Variants in SNX8 observed in about 807,000 individuals in gnomAD.
The protein encoded by SNX8 is sorting nexin 8, also known as sorting nexin-8.
Under a neutral mutation model 51.6 loss-of-function variants are expected in SNX8, and 25 were observed. The ratio of observed to expected loss-of-function variants is 0.48; its 90% confidence interval spans 0.35 to 0.68. The LOEUF is 0.68. Ranked by LOEUF, SNX8 falls within the 30% of genes least tolerant of loss-of-function variation. The pLI is 0.00. For synonymous variants in SNX8, 324 were observed against 277.0 expected (o/e 1.17, Z -1.68); for missense variants, 695 against 624.0 (o/e 1.11, Z -1.21).
chr7:2,300,110 T>C (rs1354106252), intron 1 of SNX8, among the ~76,000 whole-genome samples: 1 of 152,146 alleles, frequency 6.6e-6, no homozygotes, highest in Non-Finnish European at 1.5e-5. Context: ...ATTTAGTCAG[T>C]TTTTCCCCCA....
chr7:2,315,705 GTCAC>G (rs78476692), upstream of SNX8, among the ~76,000 whole-genome samples: 59,058 of 129,452 alleles, frequency 0.46, 14,932 homozygotes, highest in Non-Finnish European at 0.57. Context: ...CATTCATTCA[GTCAC>G]TCACTCACTG....
intron 1 of SNX8, among the ~76,000 whole-genome samples, chr7:2,304,479 G>A (rs1418970137): frequency 2.0e-5 from 3 of 151,918 alleles, no homozygotes; most frequent in South Asian, 2.1e-4. Flanking sequence ...GGGAGGCGGA[G>A]CTTGCAGCGA....
At chr7:2,336,564 T>A (rs1020105026) in intron 1 of SNX8, among the ~76,000 whole-genome samples, 4 of 151,426 alleles carry the variant, frequency 2.6e-5, no homozygotes, top group Non-Finnish European at 5.9e-5. Context: ...AAAAATTAGC[T>A]GGGCATGGTG....
chr7:2,310,169 T>G (rs926338285), intron 1 of SNX8, among the ~76,000 whole-genome samples: 3 of 151,970 alleles, frequency 2.0e-5, no homozygotes, highest in African/African-American at 7.2e-5. Flanking sequence ...GAAATCAGGC[T>G]GGACGACCAA....
At position 2,252,791 on chromosome 7, in the gene SNX8, TCTC is replaced by T. The variant is rs1180809748; in HGVS notation, c.*2262_*2264del. 96 of 91,804 alleles carry T rather than the reference TCTC, an allele frequency of 1.0e-3. No individual in the cohort carries two copies. Among genetic ancestry groups the T allele is most frequent in the Admixed American group, 1.8e-3 (16 of 8,968 alleles). The allele number at this position is 91,804 out of a possible 1,614,324, so 5.7% of individuals were successfully genotyped here. ...CTCACCCCTGCCCTCCCTTACCCGT[TCTC>T]CTGCTCCCTCCTCACCCCTGCCCTC... On this transcript the variant is annotated 3_prime_UTR_variant, in exon 11 of 11. Coordinates refer to ENST00000222990, the MANE Select transcript of SNX8 (RefSeq NM_013321.4).
chr7:2,276,642 T>TAA (rs34590431), intron 2 of SNX8, among the ~76,000 whole-genome samples: 4 of 128,410 alleles, frequency 3.1e-5, no homozygotes, highest in Admixed American at 7.8e-5. Context: ...ATTTGTACTT[T>TAA]AAAAAAAAAA....
chr7:2,303,861 T>C (rs1473121924), intron 1 of SNX8, among the ~76,000 whole-genome samples: 3 of 152,002 alleles, frequency 2.0e-5, no homozygotes, highest in African/African-American at 7.2e-5. Flanking sequence ...GAGACCTTTG[T>C]TCACGTGTTT....
chr7:2,321,641 C>T (rs147758841), intron 1 of SNX8, among the ~76,000 whole-genome samples: 2 of 150,458 alleles, frequency 1.3e-5, no homozygotes, highest in South Asian at 2.1e-4. Flanking sequence ...GTCTCGATCT[C>T]CTTACCTTGT....
At chr7:2,291,693 A>C (rs1796154517) in intron 1 of SNX8, among the ~76,000 whole-genome samples, 1 of 151,852 alleles carries the variant, frequency 6.6e-6, no homozygotes, top group South Asian at 2.1e-4. Flanking sequence ...AGTTCTCTCC[A>C]GGCTCCAAGC....
rs769912948 is a variant in SNX8, at chr7:2,275,204, C to T, written c.326G>A (p.Arg109Gln). The T allele has an allele frequency of 1.2e-6, 2 of 1,613,800 alleles. No individual in the cohort carries two copies. The highest frequency in any genetic ancestry group is 1.7e-5 in the Admixed American group (1 of 60,022). ...CTGGAAGACCACGAAGTCATTGTACCGTCTGTATACCGAGGACTTGAAGCG... is the reference window on the plus strand; with the variant it reads ...CTGGAAGACCACGAAGTCATTGTACTGTCTGTATACCGAGGACTTGAAGCG... ...SQRFKSSVYR[R>Q]YNDFVVFQEM... The change falls in exon 3 of 11, where the codon CGG becomes CAG. Residue 109 changes from arginine to glutamine, a missense_variant. Arg to Gln is a conservative substitution (Grantham distance 43, BLOSUM62 1). Transcript: ENST00000222990.
intron 9 of SNX8, 149 bp from the exon 10 acceptor site, chr7:2,257,172 CG>C: frequency 8.4e-7 from 1 of 1,187,564 alleles, no homozygotes; most frequent in Non-Finnish European, 1.2e-6. Context: ...AAGAGAGGGC[CG>C]GGGAGGGAGC....
chr7:2,320,821 G>A (rs987805356), intron 1 of SNX8, among the ~76,000 whole-genome samples: 2 of 152,024 alleles, frequency 1.3e-5, no homozygotes, highest in African/African-American at 4.8e-5. Context: ...AGGAGTTTGA[G>A]ACCAGCCTGG....
At chr7:2,320,406 T>A (rs548014304) in intron 1 of SNX8, among the ~76,000 whole-genome samples, 27 of 152,128 alleles carry the variant, frequency 1.8e-4, no homozygotes, top group Admixed American at 1.6e-3. Context: ...ATTTCCAGAG[T>A]ATTTACTGTT....
chr7:2,351,147 G>C (rs1779130125), intron 1 of SNX8, among the ~76,000 whole-genome samples: 1 of 151,852 alleles, frequency 6.6e-6, no homozygotes, highest in South Asian at 2.1e-4. Context: ...TCTACCCCTG[G>C]AAGCACAACA....
intron 5 of SNX8, among the ~76,000 whole-genome samples, chr7:2,267,345 TCA>T (rs1795491961): frequency 1.8e-5 from 1 of 56,976 alleles, no homozygotes; most frequent in African/African-American, 7.7e-5. Flanking sequence ...TCCCTCTCCC[TCA>T]CCCCACAGTC....
chr7:2,256,160 G>A (rs1027114913), intron 10 of SNX8, among the ~76,000 whole-genome samples: 3 of 92,688 alleles, frequency 3.2e-5, no homozygotes, highest in African/African-American at 5.4e-5. Context: ...CTAACACGGC[G>A]GCTGTCTACC....
At chr7:2,267,669 C>T (rs1795504014) in intron 5 of SNX8, among the ~76,000 whole-genome samples, 1 of 149,248 alleles carries the variant, frequency 6.7e-6, no homozygotes, top group South Asian at 2.2e-4. Context: ...CTACAACCTA[C>T]ACCTCCCAGC....
chr7:2,277,948 G>T, intron 2 of SNX8, 152 bp downstream of exon 2: 2 of 1,292,520 alleles, frequency 1.5e-6, no homozygotes, highest in African/African-American at 1.5e-5. Flanking sequence ...TCCGCAGCCT[G>T]ACTCTGCTGC....
intron 7 of SNX8, among the ~76,000 whole-genome samples, chr7:2,261,838 G>A (rs888492182): frequency 1.3e-5 from 2 of 152,192 alleles, no homozygotes; most frequent in African/African-American, 4.8e-5. Flanking sequence ...TGAGCGCCCC[G>A]TTTCCAGCTT....
Sources: gnomAD v4.1 joint callset for allele counts (sites outside exome capture counted in the v4.1 genomes callset) on GRCh38, gnomAD v4.1.1 for gene constraint, MANE v1.5 for transcripts, NCBI Gene and HGNC (gene_info 2026-07-23, HGNC 2026-07-21) for gene names.